SRBD1: variants seen among roughly 807,000 people sequenced by gnomAD.
SRBD1 encodes the protein S1 RNA binding domain 1.
In SRBD1, 88 loss-of-function variants were observed where a neutral mutation model predicts 115.3. That is an observed-to-expected ratio of 0.76 (90% CI 0.64 to 0.91). SRBD1 has a LOEUF of 0.91. Ranked by LOEUF, SRBD1 falls within the 40% of genes least tolerant of loss-of-function variation. SRBD1 has a pLI of 0.00. For missense variants in SRBD1, 1,385 were observed against 1,177.4 expected, an observed-to-expected ratio of 1.18 and a Z score of -2.58; for synonymous variants, 509 against 407.7, an observed-to-expected ratio of 1.25 and a Z score of -2.99.
chr2:45,521,286 A>AAC (rs71394840), intron 14 of SRBD1, among the ~76,000 whole-genome samples: 25,956 of 146,142 alleles, frequency 0.18, 2,213 homozygotes, highest in Middle Eastern at 0.23. Flanking sequence ...CAAAAAGGAA[A>AAC]ACACACACAC....
chr2:45,597,894 C>A (rs186880617), intron 4 of SRBD1, among the ~76,000 whole-genome samples: 4 of 152,206 alleles, frequency 2.6e-5, no homozygotes, highest in Non-Finnish European at 4.4e-5. Flanking sequence ...CTACGAATAA[C>A]TTATTACCAA....
intron 14 of SRBD1, among the ~76,000 whole-genome samples, chr2:45,498,406 T>C (rs1670525565): frequency 6.6e-6 from 1 of 152,182 alleles, no homozygotes; most frequent in African/African-American, 2.4e-5. Context: ...TTTTAATTTT[T>C]GAAAATTACT....
At chr2:45,441,590 A>T (rs986585749) in intron 16 of SRBD1, among the ~76,000 whole-genome samples, 21 of 152,196 alleles carry the variant, frequency 1.4e-4, no homozygotes, top group Non-Finnish European at 2.5e-4. Context: ...CATGCTTCTT[A>T]GTACATAGTA....
chr2:45,425,773 C>G (rs1027633619), intron 16 of SRBD1, among the ~76,000 whole-genome samples: 1 of 152,002 alleles, frequency 6.6e-6, no homozygotes, highest in Non-Finnish European at 1.5e-5. Flanking sequence ...TGTGAGGGAC[C>G]GTGCTGTGAG....
intron 6 of SRBD1, among the ~76,000 whole-genome samples, chr2:45,581,315 C>G (rs1220951802): frequency 6.6e-6 from 1 of 152,160 alleles, no homozygotes; most frequent in East Asian, 1.9e-4. Flanking sequence ...CAATCCTGAC[C>G]TGCTAACAAA....
At chr2:45,440,400 A>C (rs1468220151) in intron 16 of SRBD1, among the ~76,000 whole-genome samples, 1 of 152,158 alleles carries the variant, frequency 6.6e-6, no homozygotes, top group Non-Finnish European at 1.5e-5. Flanking sequence ...AAGGTTCATA[A>C]ATCCTAAATG....
At chr2:45,570,799 T>G (rs915886185) in intron 9 of SRBD1, among the ~76,000 whole-genome samples, 3 of 152,098 alleles carry the variant, frequency 2.0e-5, no homozygotes, top group Non-Finnish European at 2.9e-5. Context: ...GGTTGTGTGT[T>G]TTGATGTCTG....
At chr2:45,549,060 A>G (rs17394541) in intron 12 of SRBD1, 85,934 of 152,058 alleles carry the variant, frequency 0.57, 25,383 homozygotes, top group African/African-American at 0.72. Context: ...CACAAAGGGG[A>G]TCCAGTACTT....
intron 5 of SRBD1, among the ~76,000 whole-genome samples, chr2:45,582,971 C>T (rs1246558891): frequency 6.6e-6 from 1 of 152,206 alleles, no homozygotes; most frequent in East Asian, 1.9e-4. Context: ...TTACAGGGAT[C>T]ACTAAACAAC....
intron 10 of SRBD1, among the ~76,000 whole-genome samples, chr2:45,556,384 G>A (rs1026391189): frequency 1.3e-4 from 20 of 149,506 alleles, no homozygotes; most frequent in African/African-American, 4.7e-4. Context: ...AAGCAGAAGT[G>A]ACAGCAAACA....
intron 14 of SRBD1, among the ~76,000 whole-genome samples, chr2:45,538,927 T>C (rs1005076087): frequency 6.6e-6 from 1 of 152,100 alleles, no homozygotes; most frequent in Non-Finnish European, 1.5e-5. Context: ...AAAAAGAATA[T>C]TAAATTGCCA....
At chr2:45,601,611 T>A (rs1014868593) in intron 3 of SRBD1, among the ~76,000 whole-genome samples, 3 of 152,232 alleles carry the variant, frequency 2.0e-5, no homozygotes, top group Non-Finnish European at 4.4e-5. Context: ...AAGATTAAGA[T>A]CATTTAAATG....
intron 14 of SRBD1, among the ~76,000 whole-genome samples, chr2:45,523,727 T>G (rs1266226436): frequency 6.6e-6 from 1 of 151,844 alleles, no homozygotes; most frequent in Admixed American, 6.6e-5. Context: ...CCAGGTGGTT[T>G]TAAAACTGAA....
chr2:45,504,813 G>C (rs1040928583), intron 14 of SRBD1, among the ~76,000 whole-genome samples: 1 of 152,106 alleles, frequency 6.6e-6, no homozygotes, highest in African/African-American at 2.4e-5. Flanking sequence ...TTTTAGATTT[G>C]ATGGTCACCA....
intron 4 of SRBD1, among the ~76,000 whole-genome samples, 176 bp from the exon 5 acceptor site, chr2:45,585,950 G>C (rs2104199495): frequency 6.6e-6 from 1 of 152,184 alleles, no homozygotes; most frequent in South Asian, 2.1e-4. Context: ...AATCATAATG[G>C]TAAAATAGCC....
chr2:45,562,001 T>C (rs1057400938), intron 10 of SRBD1, among the ~76,000 whole-genome samples: 7 of 152,184 alleles, frequency 4.6e-5, no homozygotes, highest in African/African-American at 1.7e-4. Context: ...TTTTTGTTAG[T>C]TTATTTTTGC....
intron 3 of SRBD1, 123 bp downstream of exon 3, chr2:45,601,780 G>C (rs764416917): frequency 1.8e-5 from 23 of 1,258,140 alleles, no homozygotes; most frequent in Non-Finnish European, 2.3e-5. Context: ...ACCCAGGGTA[G>C]GGGATGCCAT....
At chr2:45,423,284 G>C (rs1668059453) in intron 16 of SRBD1, among the ~76,000 whole-genome samples, 1 of 152,168 alleles carries the variant, frequency 6.6e-6, no homozygotes, top group South Asian at 2.1e-4. Context: ...CAAATGGAAT[G>C]CTCAAGTGAT....
chr2:45,610,785 G>C (rs1009311288), intron 1 of SRBD1, among the ~76,000 whole-genome samples: 12 of 152,126 alleles, frequency 7.9e-5, no homozygotes, highest in Non-Finnish European at 1.3e-4. Flanking sequence ...TAAATTAGCC[G>C]GGTGTGATGA....
Sources: allele counts gnomAD v4.1 joint callset (sites outside exome capture counted in the v4.1 genomes callset), GRCh38; gene constraint gnomAD v4.1.1; transcripts MANE v1.5; gene names NCBI Gene and HGNC (gene_info 2026-07-23, HGNC 2026-07-21).